Variants in PATL1 observed in about 807,000 individuals in gnomAD.
The protein encoded by PATL1 is protein PAT1 homolog 1.
PATL1 carries 32 observed loss-of-function variants against 100.6 expected under a neutral mutation model. The ratio of observed to expected loss-of-function variants is 0.32; its 90% CI spans 0.24 to 0.43. The LOEUF is 0.43. Ranked by LOEUF, PATL1 falls within the 20% of genes least tolerant of loss-of-function variation. The pLI, the probability that PATL1 is intolerant of heterozygous loss-of-function variation, is 1.00. For synonymous variants in PATL1, 332 were observed against 330.0 expected (o/e 1.01, Z -0.07); for missense variants, 747 against 949.9 (o/e 0.79, Z 2.81).
intron 2 of PATL1, among the ~76,000 whole-genome samples, chr11:59,666,365 A>G (rs1450053931): frequency 6.6e-6 from 1 of 152,240 alleles, no homozygotes; most frequent in Non-Finnish European, 1.5e-5. Context: ...TTCTTGCTAT[A>G]AAAAGCTTTA....
intron 8 of PATL1, among the ~76,000 whole-genome samples, chr11:59,654,804 T>A (rs1047181146): frequency 6.6e-6 from 1 of 152,202 alleles, no homozygotes; most frequent in African/African-American, 2.4e-5. Flanking sequence ...GAGGGTATTT[T>A]GTAAAGATGT....
intron 15 of PATL1, among the ~76,000 whole-genome samples, chr11:59,644,168 C>A (rs1325364723): frequency 2.0e-5 from 3 of 152,124 alleles, no homozygotes; most frequent in Admixed American, 2.0e-4. Context: ...GTACTCACCA[C>A]CCAATTTCAA....
chr11:59,668,821 AGAGTGAGGGAGAGGGGCGCGG>A, intron 1 of PATL1, 39 bp downstream of exon 1: 1 of 827,270 alleles, frequency 1.2e-6, no homozygotes, highest in Non-Finnish European at 1.8e-6. Context: ...GCGCGGAGAG[AGAGTGAGGGAGAGGGGCGCGG>A]GAGGGAGGGA....
chr11:59,638,432 A>G lies in PATL1; in HGVS notation c.2292-21T>C, dbSNP rs766818262. 1.1e-5 allele frequency: 17 copies of G among 1,604,284 alleles called. No homozygotes were observed. The South Asian group carries it at 1.7e-4, about 16-fold the overall frequency. On this transcript the variant is annotated intron_variant, in intron 18 of 18. Coordinates refer to ENST00000300146, the MANE Select transcript of PATL1 (RefSeq NM_152716.3). Reference sequence around the variant, plus strand: ...CTAGCCTAGGAGTACAAAGGAGAGAAAGGAAAATTGTATAAATGAGTTAAA... The same window carrying G: ...CTAGCCTAGGAGTACAAAGGAGAGAGAGGAAAATTGTATAAATGAGTTAAA...
intron 15 of PATL1, among the ~76,000 whole-genome samples, chr11:59,644,625 T>C (rs1861334376): frequency 6.6e-6 from 1 of 152,202 alleles, no homozygotes; most frequent in Admixed American, 6.5e-5. Context: ...CAGTGTCACT[T>C]AGCAGGTTCT....
intron 16 of PATL1, 52 bp from the exon 17 acceptor site, chr11:59,639,435 C>T: frequency 1.5e-6 from 2 of 1,365,288 alleles, no homozygotes; most frequent in South Asian, 1.3e-5. Context: ...TAAACCTCCT[C>T]CACCACTGTT....
chr11:59,658,705 C>G (rs892914035), intron 4 of PATL1, among the ~76,000 whole-genome samples, 161 bp downstream of exon 4: 4 of 152,142 alleles, frequency 2.6e-5, no homozygotes, highest in Non-Finnish European at 1.5e-5. Flanking sequence ...AACCTTTACC[C>G]TGGAGGCTAA....
intron 3 of PATL1, 101 bp downstream of exon 3, chr11:59,659,151 G>A (rs771427439): frequency 9.2e-6 from 10 of 1,087,710 alleles, no homozygotes; most frequent in Non-Finnish European, 1.2e-5. Flanking sequence ...TATGGTATAT[G>A]TAAATCTCTC....
intron 5 of PATL1, chr11:59,657,050 G>A: frequency 1.0e-6 from 1 of 975,950 alleles, no homozygotes; most frequent in Non-Finnish European, 1.2e-6. Flanking sequence ...AGCCTAACTA[G>A]GCCATACCAA....
At chr11:59,640,772 C>T (rs1861266841) in intron 16 of PATL1, among the ~76,000 whole-genome samples, 1 of 151,846 alleles carries the variant, frequency 6.6e-6, no homozygotes, top group African/African-American at 2.4e-5. Flanking sequence ...GTGGCTCATG[C>T]CTGTAATTCC....
At chr11:59,655,786 C>G in intron 7 of PATL1, 46 bp from the exon 8 acceptor site, 1 of 1,500,656 alleles carries the variant, frequency 6.7e-7, no homozygotes. Flanking sequence ...CAGCAAGTCC[C>G]CTTGCTTTTG....
At chr11:59,668,362 C>A (rs1043654250) in intron 1 of PATL1, among the ~76,000 whole-genome samples, 1 of 152,152 alleles carries the variant, frequency 6.6e-6, no homozygotes, top group African/African-American at 2.4e-5. Context: ...AACTCGGAGC[C>A]CTCTTTAGTA....
At chr11:59,657,002 T>C (rs1225712649) in intron 5 of PATL1, 3 of 857,634 alleles carry the variant, frequency 3.5e-6, no homozygotes, top group Non-Finnish European at 4.2e-6. Context: ...CTCAGCACTT[T>C]TGTGATACAT....
At position 59,639,143 on chromosome 11, in the gene PATL1, G is replaced by A; in HGVS notation, c.2196C>T (p.Ala732=). 6.2e-7 allele frequency: 1 copy of A among 1,613,988 alleles called. No homozygotes were observed. The highest frequency in any genetic ancestry group is 8.5e-7 in the Non-Finnish European group (1 of 1,179,896). The change falls in exon 18 of 19, where the codon GCC becomes GCT. Residue 732 remains alanine (A), a synonymous_variant. Transcript: ENST00000300146. ...TAGGTATAGAGATTGGCTTGGCCAG[G>A]GCTGCTTGGGGAATCCGCAGAAGTT... is the stretch of plus-strand genomic sequence containing the variant. ...TRELLRIPQA[A]LAKPISIPTN... is the part of the protein sequence containing the mutation.
At chr11:59,668,732 G>A in intron 1 of PATL1, 149 bp downstream of exon 1, 2 of 395,184 alleles carry the variant, frequency 5.1e-6, no homozygotes, top group South Asian at 5.3e-5. Flanking sequence ...TTAGACCCGC[G>A]ACCCCAGACC....
At chr11:59,642,758 G>A (rs1861304464) in intron 16 of PATL1, 122 bp downstream of exon 16, 4 of 1,078,788 alleles carry the variant, frequency 3.7e-6, no homozygotes, top group South Asian at 1.9e-5. Flanking sequence ...GGAGCTTAAT[G>A]TAACTCTTGA....
chr11:59,660,061 C>G (rs1451157646), intron 2 of PATL1, among the ~76,000 whole-genome samples: 1 of 152,022 alleles, frequency 6.6e-6, no homozygotes, highest in Non-Finnish European at 1.5e-5. Flanking sequence ...AAACTGTTTC[C>G]CAAATTGGTG....
At chr11:59,652,441 C>T (rs773845427) in intron 11 of PATL1, 23 bp downstream of exon 11, 2 of 1,588,792 alleles carry the variant, frequency 1.3e-6, no homozygotes, top group East Asian at 4.5e-5. Flanking sequence ...TTATTATGGG[C>T]ATTTTTCTTA....
chr11:59,642,869 G>A lies in PATL1; in HGVS notation c.2049+11C>T. 1 of 1,608,644 alleles carries A rather than the reference G, an allele frequency of 6.2e-7. No individual in the cohort carries two copies. The highest frequency in any genetic ancestry group is 8.5e-7 in the Non-Finnish European group (1 of 1,177,202). On this transcript the variant is annotated intron_variant, in intron 16 of 18. Coordinates refer to ENST00000300146, the MANE Select transcript of PATL1 (RefSeq NM_152716.3). ...TTCACAAAGTTCAAGGAGTTAAAAGGGCAAGATCACCTTGTTCTGGAGCAC... is the reference window on the plus strand; with the variant it reads ...TTCACAAAGTTCAAGGAGTTAAAAGAGCAAGATCACCTTGTTCTGGAGCAC...
Sources: allele counts gnomAD v4.1 joint callset (sites outside exome capture counted in the v4.1 genomes callset), GRCh38; gene constraint gnomAD v4.1.1; transcripts MANE v1.5; gene names NCBI Gene and HGNC (gene_info 2026-07-23, HGNC 2026-07-21).